Variants in FGD3 observed in about 807,000 individuals in gnomAD.
FGD3 encodes FYVE, RhoGEF and PH domain containing 3.
In FGD3, 45 loss-of-function variants were observed where a neutral mutation model predicts 71.8. The ratio of observed to expected loss-of-function variants is 0.63; its 90% CI spans 0.49 to 0.80. FGD3 has a LOEUF of 0.80. Among genes scored for constraint, FGD3 ranks in the 30% least tolerant of loss-of-function variants. The pLI, the probability that FGD3 is intolerant of heterozygous loss-of-function variation, is 0.00. For synonymous variants in FGD3, 378 were observed against 392.8 expected, an observed-to-expected ratio of 0.96 and a Z score of 0.44; for missense variants, 844 against 951.5, an observed-to-expected ratio of 0.89 and a Z score of 1.49.
chr9:92,977,324 G>A (rs545949598), intron 3 of FGD3, among the ~76,000 whole-genome samples: 1 of 152,264 alleles, frequency 6.6e-6, no homozygotes, highest in South Asian at 2.1e-4. Flanking sequence ...GGGGCTCTTG[G>A]CTCGGTGCTG....
chr9:92,967,203 T>C (rs150684854), intron 1 of FGD3, among the ~76,000 whole-genome samples: 1,600 of 152,282 alleles, frequency 0.011, 29 homozygotes, highest in African/African-American at 0.037. Context: ...CCTCAGGTGA[T>C]CCATCTGCCT....
intron 1 of FGD3, among the ~76,000 whole-genome samples, chr9:92,952,623 T>C (rs1858975899): frequency 6.6e-6 from 1 of 152,132 alleles, no homozygotes; most frequent in Non-Finnish European, 1.5e-5. Flanking sequence ...ATTATGAAGG[T>C]TGAGCAAGTG....
At chr9:93,011,925 G>A (rs376440014) in intron 8 of FGD3, among the ~76,000 whole-genome samples, 18 of 151,608 alleles carry the variant, frequency 1.2e-4, no homozygotes, top group African/African-American at 2.4e-4. Context: ...TTGGGAGGCC[G>A]AGGCGGGTGG....
At position 93,018,178 on chromosome 9, in the gene FGD3, A is replaced by C; in HGVS notation, c.1318A>C (p.Ile440Leu). Residue 440 changes from isoleucine to leucine, a missense_variant, in exon 11 of 18, where the codon ATA (isoleucine) becomes CTA (leucine). Coordinates refer to ENST00000375482, the MANE Select transcript of FGD3 (RefSeq NM_001083536.2). ...VKPNTAHTFI[I>L]TGRKRSLELQ... Reference sequence around the variant, plus strand: ...GCCAAACACAGCACATACATTCATCATAACAGGAAGAAAAAGGTCCCTGGA... The same window carrying C: ...GCCAAACACAGCACATACATTCATCCTAACAGGAAGAAAAAGGTCCCTGGA... The C allele has an allele frequency of 6.2e-7, 1 of 1,614,216 alleles. No homozygotes were observed. The highest frequency in any genetic ancestry group is 8.5e-7 in the Non-Finnish European group (1 of 1,180,048).
chr9:93,002,912 C>G lies in FGD3; in HGVS notation c.454-13C>G. On this transcript the variant is annotated splice_polypyrimidine_tract_variant and intron_variant, in intron 3 of 17. Coordinates refer to ENST00000375482, the MANE Select transcript of FGD3 (RefSeq NM_001083536.2). ...CATCTTCCCCAGGTGAGCTGCATCT[C>G]TTCTCTCCGCAGCACTCTGGCCCCC... 6.2e-7 allele frequency: 1 copy of G among 1,613,200 alleles called. No homozygotes were observed. Among genetic ancestry groups the G allele is most frequent in the Non-Finnish European group, 8.5e-7 (1 of 1,179,658 alleles).
chr9:93,005,129 A>ATT (rs796849169), intron 5 of FGD3, among the ~76,000 whole-genome samples: 5 of 146,162 alleles, frequency 3.4e-5, no homozygotes, highest in Admixed American at 6.9e-5. Flanking sequence ...CCCTTTGGAC[A>ATT]TTTTTTTTTT....
At position 92,970,097 on chromosome 9, in the gene FGD3, A is replaced by G. The variant is rs369598790; in HGVS notation, c.-217-5141A>G. Among the ~76,000 whole-genome samples, 88 of 152,288 alleles carry G rather than the reference A, an allele frequency of 5.8e-4. 1 individual carries two copies. The South Asian group carries it at 0.017, about 30-fold the overall frequency. ...CAGAGAACTGACCTCGGCTTCCTCA[A>G]TGCCCCTGTGGAAACATAGGCATAG... is the stretch of plus-strand genomic sequence containing the variant. On this transcript the variant is annotated intron_variant, in intron 1 of 17. Transcript: ENST00000375482.
Position 92,969,703 on chromosome 9 carries a change from A to T in FGD3, c.-217-5535A>T, listed in dbSNP as rs1859467611. Among the ~76,000 whole-genome samples the T allele has an allele frequency of 6.6e-6, 1 of 152,116 alleles. No individual in the cohort carries two copies. Among genetic ancestry groups the T allele is most frequent in the Non-Finnish European group, 1.5e-5 (1 of 68,010 alleles). ...CCCGCACGGCCTCCCGGGAAGGGAC[A>T]TCTGGTGGCAGATAGAGCTGGGTGG... On this transcript the variant is annotated intron_variant, in intron 1 of 17. Coordinates refer to ENST00000375482, the MANE Select transcript of FGD3 (RefSeq NM_001083536.2). The surrounding 1 kb of genome is among the most constrained non-coding windows in gnomAD (Gnocchi z 4.5).
chr9:92,949,776 A>T (rs757123241), intron 1 of FGD3, among the ~76,000 whole-genome samples: 1 of 152,116 alleles, frequency 6.6e-6, no homozygotes, highest in South Asian at 2.1e-4. Context: ...GGCTTCCTCC[A>T]CAACACCCCT....
chr9:93,028,228 A>ACACC (rs1862207583), intron 14 of FGD3, among the ~76,000 whole-genome samples: 1 of 147,126 alleles, frequency 6.8e-6, no homozygotes, highest in African/African-American at 2.5e-5. Context: ...GCACACACAC[A>ACACC]CACACACACC....
intron 1 of FGD3, among the ~76,000 whole-genome samples, chr9:92,973,736 A>C (rs1859620676): frequency 6.6e-6 from 1 of 152,072 alleles, no homozygotes; most frequent in African/African-American, 2.4e-5. Context: ...TGTGGTCCTC[A>C]CAGGTGGTTC....
At chr9:92,966,960 CTTT>C (rs541720789) in intron 1 of FGD3, among the ~76,000 whole-genome samples, 9 of 142,520 alleles carry the variant, frequency 6.3e-5, no homozygotes, top group African/African-American at 1.5e-4. Context: ...CATCTTTTTT[CTTT>C]TTTTTTTTTT....
At chr9:93,016,246 T>G (rs1861681341) in intron 10 of FGD3, among the ~76,000 whole-genome samples, 1 of 151,960 alleles carries the variant, frequency 6.6e-6, no homozygotes, top group African/African-American at 2.4e-5. Context: ...CTTGTCTGGT[T>G]CCTGGGTCCT....
At chr9:92,954,731 C>G (rs1859017540) in intron 1 of FGD3, among the ~76,000 whole-genome samples, 1 of 152,190 alleles carries the variant, frequency 6.6e-6, no homozygotes, top group Non-Finnish European at 1.5e-5. Context: ...GAATGGGACT[C>G]TTACTTCCAA....
At chr9:92,948,006 C>T (rs1013520102) in intron 1 of FGD3, among the ~76,000 whole-genome samples, 4 of 152,100 alleles carry the variant, frequency 2.6e-5, no homozygotes, top group African/African-American at 4.8e-5. Flanking sequence ...CTGGGACCCC[C>T]GGCTCGGGAA....
intron 3 of FGD3, among the ~76,000 whole-genome samples, chr9:92,997,776 T>C (rs1860703485): frequency 6.6e-6 from 1 of 152,214 alleles, no homozygotes; most frequent in Non-Finnish European, 1.5e-5. Flanking sequence ...GAAAATACTT[T>C]AAGAATGTTG....
At chr9:93,009,552 G>A (rs1861215203) in intron 6 of FGD3, among the ~76,000 whole-genome samples, 1 of 152,214 alleles carries the variant, frequency 6.6e-6, no homozygotes, top group Non-Finnish European at 1.5e-5. Context: ...GGAGGCAGAG[G>A]CAAAGTGGCC....
Position 92,985,704 on chromosome 9 carries a change from C to T in FGD3, c.453+8995C>T, listed in dbSNP as rs141158738. 0.022 allele frequency among the ~76,000 whole-genome samples: 3,371 copies of T among 152,210 alleles called. 319 individuals are homozygous for T. In the East Asian group the frequency reaches 0.33, roughly 15 times the overall value. ...TGTTGGTCAGGCTGGTCTCAAACTC[C>T]TCACCTCAGGTGATCCACCCACCTC... On this transcript the variant is annotated intron_variant, in intron 3 of 17. Coordinates refer to ENST00000375482, the MANE Select transcript of FGD3 (RefSeq NM_001083536.2).
At chr9:93,034,512 G>A in intron 16 of FGD3, 29 bp from the exon 17 acceptor site, 1 of 1,591,506 alleles carries the variant, frequency 6.3e-7, no homozygotes, top group Non-Finnish European at 8.6e-7. Context: ...AGGGGAGACT[G>A]CCCCTAACCT....
Sources: allele counts gnomAD v4.1 joint callset (sites outside exome capture counted in the v4.1 genomes callset), GRCh38; gene constraint gnomAD v4.1.1; non-coding constraint Gnocchi (gnomAD v3.1); transcripts MANE v1.5; gene names NCBI Gene and HGNC (gene_info 2026-07-23, HGNC 2026-07-21).